Variants in IGFL2 observed in about 807,000 individuals in gnomAD.
IGFL2 encodes the protein insulin growth factor-like family member 2.
IGFL2 carries 7 observed loss-of-function variants against 13.9 expected under a neutral mutation model. The ratio of observed to expected loss-of-function variants is 0.51; its 90% CI spans 0.29 to 0.95. The LOEUF is 0.95. Ranked by LOEUF, IGFL2 falls within the 40% of genes least tolerant of loss-of-function variation. The pLI, the probability that IGFL2 is intolerant of heterozygous loss-of-function variation, is 0.08. For missense variants in IGFL2, 138 were observed against 147.8 expected, an observed-to-expected ratio of 0.93 and a Z score of 0.34; for synonymous variants, 55 against 55.8, an observed-to-expected ratio of 0.99 and a Z score of 0.07.
At chr19:46,079,210 G>T in the IGFL2 span, among the ~76,000 whole-genome samples, 1 of 152,272 alleles carries the variant, frequency 6.6e-6, no homozygotes, top group African/African-American at 2.4e-5. Flanking sequence ...GGTGTCAGTA[G>T]TCATTGCCAG....
the IGFL2 span, chr19:46,136,906 A>G: frequency 3.5e-6 from 3 of 856,066 alleles, no homozygotes; most frequent in African/African-American, 3.3e-5. Context: ...CTAGATTTAC[A>G]CATGTCCTCT....
downstream of IGFL2, among the ~76,000 whole-genome samples, chr19:46,161,964 T>G (rs201097020): frequency 2.6e-5 from 4 of 152,380 alleles, no homozygotes; most frequent in East Asian, 7.7e-4. Context: ...TGGTCTTTCC[T>G]TCTATATTTA....
At chr19:46,153,695 C>T (rs529278940) in intron 1 of IGFL2, among the ~76,000 whole-genome samples, 6 of 151,806 alleles carry the variant, frequency 4.0e-5, no homozygotes, top group African/African-American at 1.4e-4. Context: ...TTTATTAGTG[C>T]TCTCCAGAGG....
upstream of IGFL2, among the ~76,000 whole-genome samples, chr19:46,145,047 G>A (rs1272560652): frequency 1.3e-5 from 2 of 151,982 alleles, no homozygotes; most frequent in African/African-American, 4.8e-5. Flanking sequence ...TATTTGAGTT[G>A]TTTCCACTTT....
chr19:46,161,056 C>A lies in IGFL2; in HGVS notation c.342-14C>A, dbSNP rs749594883. ...TCTGTTATTCGTAATTTCTTGGTTT[C>A]TTTTTCTCTGTAGCAGAAGACGTTT... On this transcript the variant is annotated splice_polypyrimidine_tract_variant and intron_variant, in intron 3 of 3. Coordinates refer to ENST00000377693, the MANE Select transcript of IGFL2 (RefSeq NM_001135113.2). 3 of 1,586,506 alleles carry A rather than the reference C, an allele frequency of 1.9e-6. No homozygotes were observed. The highest frequency in any genetic ancestry group is 8.6e-7 in the Non-Finnish European group (1 of 1,164,676).
At chr19:46,190,925 C>T in the IGFL2 span, among the ~76,000 whole-genome samples, 3 of 152,158 alleles carry the variant, frequency 2.0e-5, no homozygotes, top group Admixed American at 2.0e-4. Context: ...GCTGAGTCAT[C>T]TGTGGTGCTA....
chr19:46,125,850 G>C, the IGFL2 span, among the ~76,000 whole-genome samples: 2 of 152,078 alleles, frequency 1.3e-5, no homozygotes, highest in East Asian at 1.9e-4. Context: ...GTTTGATTAG[G>C]TAAAATACAA....
At chr19:46,136,349 G>T in the IGFL2 span, among the ~76,000 whole-genome samples, 1 of 152,074 alleles carries the variant, frequency 6.6e-6, no homozygotes, top group East Asian at 1.9e-4. Flanking sequence ...GTTTGAACAA[G>T]AATTGAAAAT....
At chr19:46,110,153 G>A in the IGFL2 span, among the ~76,000 whole-genome samples, 7,033 of 152,276 alleles carry the variant, frequency 0.046, 203 homozygotes, top group Middle Eastern at 0.088. Flanking sequence ...AGAGACACAC[G>A]TAAACCTGAG....
the IGFL2 span, among the ~76,000 whole-genome samples, chr19:46,129,107 T>C: frequency 1.5e-3 from 226 of 152,298 alleles, no homozygotes; most frequent in African/African-American, 5.2e-3. Context: ...CAGTTTCTTG[T>C]AGATTTTCTG....
chr19:46,213,703 G>C, the IGFL2 span: 1 of 153,640 alleles, frequency 6.5e-6, no homozygotes, highest in South Asian at 2.1e-4. Flanking sequence ...AAGCCATACC[G>C]AGCCCTGGTT....
the IGFL2 span, among the ~76,000 whole-genome samples, chr19:46,123,590 TG>T: frequency 9.9e-5 from 15 of 150,780 alleles, no homozygotes; most frequent in South Asian, 4.2e-4. Context: ...TTATTTAGCA[TG>T]TTTTTTTACA....
At chr19:46,137,344 G>A in the IGFL2 span, 147 of 1,125,418 alleles carry the variant, frequency 1.3e-4, 1 homozygote, top group African/African-American at 1.6e-3. Flanking sequence ...TGTGGCGGGC[G>A]TTGATGAACC....
At chr19:46,156,440 A>T (rs1276457034) in intron 1 of IGFL2, among the ~76,000 whole-genome samples, 1 of 152,200 alleles carries the variant, frequency 6.6e-6, no homozygotes, top group Non-Finnish European at 1.5e-5. Context: ...GTTCTAAAGT[A>T]TTGAAGTTTA....
chr19:46,150,587 C>T (rs1408058765), intron 1 of IGFL2, among the ~76,000 whole-genome samples: 1 of 152,072 alleles, frequency 6.6e-6, no homozygotes, highest in Non-Finnish European at 1.5e-5. Context: ...AATTAATTAC[C>T]ATATCTACCA....
chr19:46,200,777 T>G, the IGFL2 span: 4,411 of 152,196 alleles, frequency 0.029, 106 homozygotes, highest in Middle Eastern at 0.048. Flanking sequence ...CTCATCAGCC[T>G]CCCTAAGTGC....
At chr19:46,204,037 C>A in the IGFL2 span, 1 of 152,154 alleles carries the variant, frequency 6.6e-6, no homozygotes, top group African/African-American at 2.4e-5. Flanking sequence ...TTTTGAACAT[C>A]TGAAATTTCA....
chr19:46,174,252 C>T, the IGFL2 span, among the ~76,000 whole-genome samples: 1 of 152,234 alleles, frequency 6.6e-6, no homozygotes, highest in African/African-American at 2.4e-5. Flanking sequence ...ACATGCAGCG[C>T]TGCTTGTTCA....
chr19:46,091,510 T>TTG, the IGFL2 span, among the ~76,000 whole-genome samples: 1 of 152,220 alleles, frequency 6.6e-6, no homozygotes, highest in Admixed American at 6.5e-5. Context: ...TTTTCCATGT[T>TTG]TGTGTTTCTC....
Sources: gnomAD v4.1 joint callset for allele counts (sites outside exome capture counted in the v4.1 genomes callset) on GRCh38, gnomAD v4.1.1 for gene constraint, MANE v1.5 for transcripts, NCBI Gene and HGNC (gene_info 2026-07-23, HGNC 2026-07-21) for gene names.